The following WDR72 variants were observed in gnomAD, a reference collection of about 807,000 sequenced individuals.
The protein encoded by WDR72 is WD repeat domain 72.
A neutral mutation model predicts 124.2 loss-of-function variants in WDR72; 120 were observed. The observed-to-expected ratio is 0.97, with a 90% CI of 0.83 to 1.12. The LOEUF is 1.12. Ranked by LOEUF, WDR72 falls within the 50% of genes most tolerant of loss-of-function variation. The pLI, the probability that WDR72 is intolerant of heterozygous loss-of-function variation, is 0.00. For missense variants in WDR72, 1,387 were observed against 1,278.8 expected, an observed-to-expected ratio of 1.08 and a Z score of -1.29; for synonymous variants, 452 against 441.7, an observed-to-expected ratio of 1.02 and a Z score of -0.29.
intron 19 of WDR72, 69 bp downstream of exon 19, chr15:53,523,149 C>T: frequency 2.1e-5 from 31 of 1,447,120 alleles, no homozygotes; most frequent in Non-Finnish European, 2.8e-5. Flanking sequence ...CCCCTCACCC[C>T]CTTCCAAGGA....
chr15:53,712,812 G>T lies in WDR72; in HGVS notation c.671C>A (p.Thr224Asn). 6.2e-7 allele frequency: 1 copy of T among 1,613,496 alleles called. No homozygotes were observed. ...AAATACCACCAATAGAAGTCTCTCAGTATATGTGCAAAATCGAATTGTCTG... is the reference window on the plus strand; with the variant it reads ...AAATACCACCAATAGAAGTCTCTCATTATATGTGCAAAATCGAATTGTCTG... ...NCQTIRFCTY[T>N]ERLLLVVFSK... The change falls in exon 7 of 20, where the codon ACT becomes AAT. Residue 224 changes from threonine (T) to asparagine (N), a missense_variant. By Grantham distance (65) the Thr-to-Asn change is moderately conservative. Coordinates refer to ENST00000360509, the MANE Select transcript of WDR72 (RefSeq NM_182758.4).
intron 14 of WDR72, among the ~76,000 whole-genome samples, chr15:53,636,564 T>C (rs973950651): frequency 6.6e-6 from 1 of 152,148 alleles, no homozygotes; most frequent in Non-Finnish European, 1.5e-5. Flanking sequence ...ATATAAGAAA[T>C]GTAGCTTTGA....
intron 18 of WDR72, among the ~76,000 whole-genome samples, chr15:53,546,545 G>A (rs976047725): frequency 2.0e-5 from 3 of 151,842 alleles, no homozygotes; most frequent in Non-Finnish European, 4.4e-5. Flanking sequence ...GGATAGCATT[G>A]GGAGATATAC....
At chr15:53,588,835 G>T (rs1459261350) in intron 18 of WDR72, among the ~76,000 whole-genome samples, 3 of 151,832 alleles carry the variant, frequency 2.0e-5, no homozygotes, top group African/African-American at 7.3e-5. Flanking sequence ...AAATTCCCAG[G>T]CTCAGAAGTA....
chr15:53,717,305 T>C (rs962915908), intron 3 of WDR72, among the ~76,000 whole-genome samples: 3 of 152,206 alleles, frequency 2.0e-5, no homozygotes, highest in African/African-American at 7.2e-5. Context: ...GTAGTTTATA[T>C]GACTTCACAA....
Position 53,615,937 on chromosome 15 carries a change from TG to T in WDR72, c.2268del (p.Ile757SerfsTer16). ...ITESLAQGDN[T>X]IKFSEENDGI... ...CCATCATTTTCTTCTGAGAATTTGA[TG>T]GTATTATCTCCTTGGGCCAGGCTTT... On this transcript the variant is annotated frameshift_variant, in exon 15 of 20. Transcript: ENST00000360509. LOFTEE classifies it high-confidence loss of function. 2 of 1,613,432 alleles carry T rather than the reference TG, an allele frequency of 1.2e-6. No homozygotes were observed. The highest frequency in any genetic ancestry group is 1.7e-6 in the Non-Finnish European group (2 of 1,179,656).
At chr15:53,728,390 TG>T (rs1480089032) in intron 2 of WDR72, among the ~76,000 whole-genome samples, 1 of 152,200 alleles carries the variant, frequency 6.6e-6, no homozygotes, top group African/African-American at 2.4e-5. Context: ...GAAACATGGA[TG>T]GGGACAGAGC....
chr15:53,730,913 G>A (rs2018182319), intron 2 of WDR72, among the ~76,000 whole-genome samples: 1 of 151,972 alleles, frequency 6.6e-6, no homozygotes, highest in Non-Finnish European at 1.5e-5. Context: ...TCAGTCTGGA[G>A]TTTTCCCTGC....
At chr15:53,529,145 CATAT>C (rs34418320) in intron 18 of WDR72, among the ~76,000 whole-genome samples, 3 of 112,506 alleles carry the variant, frequency 2.7e-5, no homozygotes, top group Admixed American at 9.0e-5. Context: ...CTGTTTAGCC[CATAT>C]ATATATATAT....
At chr15:53,665,260 T>TA (rs1164635066) in intron 14 of WDR72, among the ~76,000 whole-genome samples, 2 of 152,106 alleles carry the variant, frequency 1.3e-5, no homozygotes, top group East Asian at 3.9e-4. Context: ...AAGTGAAAAA[T>TA]AAAAATATAT....
rs1555402424 is a variant in WDR72, at chr15:53,515,086, T to TATACAC, written c.*2612_*2613insGTGTAT. On this transcript the variant is annotated 3_prime_UTR_variant, in exon 20 of 20. Transcript: ENST00000360509. Reference sequence around the variant, plus strand: ...ATATACACACATATATATGTATGTATACACACACACACACACACACAAATA... The same window carrying TATACAC: ...ATATACACACATATATATGTATGTATATACACACACACACACACACACACACAAATA... 4 of 87,240 alleles carry TATACAC rather than the reference T, an allele frequency of 4.6e-5. No individual in the cohort carries two copies. Among genetic ancestry groups the TATACAC allele is most frequent in the Non-Finnish European group, 1.0e-4 (4 of 39,744 alleles). 5.4% of individuals were successfully genotyped at this position (87,240 alleles called of 1,614,324 possible).
chr15:53,535,765 C>T (rs1267933564), intron 18 of WDR72, among the ~76,000 whole-genome samples: 1 of 152,056 alleles, frequency 6.6e-6, no homozygotes, highest in Non-Finnish European at 1.5e-5. Context: ...ACTAAACAGC[C>T]CCCCAAATCA....
At chr15:53,711,830 A>C (rs111686759) in intron 7 of WDR72, among the ~76,000 whole-genome samples, 2 of 152,316 alleles carry the variant, frequency 1.3e-5, no homozygotes, top group African/African-American at 4.8e-5. Flanking sequence ...TATCACGTAA[A>C]TCTTTTGCTA....
Position 53,517,666 on chromosome 15 carries a change from G to C in WDR72, c.*33C>G. 6.2e-7 allele frequency: 1 copy of C among 1,608,340 alleles called. No homozygotes were observed. The highest frequency in any genetic ancestry group is 8.5e-7 in the Non-Finnish European group (1 of 1,175,158). ...TGGCATCTTTTGGATTTCTTAATTT[G>C]TCCAAATTCAGCTCCTACTGATGAG... On this transcript the variant is annotated 3_prime_UTR_variant, in exon 20 of 20. Coordinates refer to ENST00000360509, the MANE Select transcript of WDR72 (RefSeq NM_182758.4).
At chr15:53,583,584 T>G (rs944872438) in intron 18 of WDR72, among the ~76,000 whole-genome samples, 1 of 152,018 alleles carries the variant, frequency 6.6e-6, no homozygotes. Context: ...TATCAAAACA[T>G]TTCTTTTTCT....
At chr15:53,558,245 G>A (rs1177882090) in intron 18 of WDR72, among the ~76,000 whole-genome samples, 1 of 151,960 alleles carries the variant, frequency 6.6e-6, no homozygotes, top group Non-Finnish European at 1.5e-5. Flanking sequence ...ATTATCCTTA[G>A]TTGTCAACAT....
chr15:53,762,004 G>A (rs1205037813), upstream of WDR72, among the ~76,000 whole-genome samples: 3 of 152,088 alleles, frequency 2.0e-5, no homozygotes, highest in East Asian at 5.8e-4. Flanking sequence ...TAAAATGTGG[G>A]GTGGGGAGAC....
intron 1 of WDR72, among the ~76,000 whole-genome samples, chr15:53,754,846 C>A (rs1477231941): frequency 6.6e-6 from 1 of 152,160 alleles, no homozygotes; most frequent in Non-Finnish European, 1.5e-5. Flanking sequence ...CAGCCTGCCA[C>A]TCAGAAATTT....
At chr15:53,541,331 G>C (rs1893117700) in intron 18 of WDR72, among the ~76,000 whole-genome samples, 1 of 152,094 alleles carries the variant, frequency 6.6e-6, no homozygotes, top group Admixed American at 6.5e-5. Context: ...GTGGGTCCCT[G>C]ACCCCTGACC....
Sources: gnomAD v4.1 joint callset for allele counts (sites outside exome capture counted in the v4.1 genomes callset) on GRCh38, gnomAD v4.1.1 for gene constraint, MANE v1.5 for transcripts, NCBI Gene and HGNC (gene_info 2026-07-23, HGNC 2026-07-21) for gene names.